Variants in FYN observed in about 807,000 individuals in gnomAD.
FYN encodes tyrosine-protein kinase Fyn.
In FYN, 10 loss-of-function variants were observed where a neutral mutation model predicts 70.2. That is an observed-to-expected ratio of 0.14 (90% CI 0.09 to 0.24). The LOEUF (loss-of-function observed/expected upper bound fraction) is 0.24. Ranked by LOEUF, FYN falls within the 10% of genes least tolerant of loss-of-function variation. FYN has a pLI of 1.00. For synonymous variants in FYN, 236 were observed against 248.6 expected, an observed-to-expected ratio of 0.95 and a Z score of 0.48; for missense variants, 319 against 673.1, an observed-to-expected ratio of 0.47 and a Z score of 5.82.
intron 3 of FYN, among the ~76,000 whole-genome samples, chr6:111,733,427 T>A (rs1801558920): frequency 6.6e-6 from 1 of 152,218 alleles, no homozygotes; most frequent in South Asian, 2.1e-4. Context: ...CGTGCTCTGC[T>A]CCTAGCCATT....
At position 111,855,217 on chromosome 6, in the gene FYN, G is replaced by A. The variant is rs139545805; in HGVS notation, c.-122-8588C>T. Among the ~76,000 whole-genome samples the A allele has an allele frequency of 2.6e-4, 39 of 152,048 alleles. No individual in the cohort carries two copies. The East Asian group carries it at 6.8e-3, about 26-fold the overall frequency. ...ATATTTTTTTTCATTTATCTCATGG[G>A]ATCAAAATAAAGCTTGTGGAAGTTT... On this transcript the variant is annotated intron_variant, in intron 1 of 13. Transcript: ENST00000354650.
intron 3 of FYN, among the ~76,000 whole-genome samples, chr6:111,722,173 C>G (rs1404416158): frequency 1.3e-5 from 2 of 152,128 alleles, no homozygotes; most frequent in African/African-American, 4.8e-5. Context: ...TCAATAAATA[C>G]TTATTGAATT....
In FYN at chr6:111,790,726, T is replaced by C. The variant is rs151096108; in HGVS notation, c.-81-10091A>G. 4.7e-3 allele frequency among the ~76,000 whole-genome samples: 711 copies of C among 152,342 alleles called. 3 individuals carry two copies. The highest frequency in any genetic ancestry group is 0.01 in the Middle Eastern group (3 of 294). On this transcript the variant is annotated intron_variant, in intron 2 of 13. Transcript: ENST00000354650. ...CTCAGTTCTGCTAAGCTTGGTAAAC[T>C]TGGAAAAATTCCTCAATAATGTGAA...
chr6:111,866,651 T>C (rs985622379), intron 1 of FYN, among the ~76,000 whole-genome samples: 8 of 152,248 alleles, frequency 5.3e-5, no homozygotes, highest in Admixed American at 3.3e-4. Flanking sequence ...CCCAACCCCA[T>C]GCTCTTAACC....
Position 111,699,171 on chromosome 6 carries a change from A to G in FYN, c.862+933T>C, listed in dbSNP as rs148608100. On this transcript the variant is annotated intron_variant, in intron 9 of 13. Transcript: ENST00000354650. ...ATATGCCCCTTGTTCGTGGTTAATT[A>G]GCTAGTAAGGATTCAAACCCAGGCC... Among the ~76,000 whole-genome samples, 4 of 152,338 alleles carry G rather than the reference A, an allele frequency of 2.6e-5. No individual in the cohort carries two copies. In the East Asian group the frequency reaches 7.7e-4, roughly 29 times the overall value.
chr6:111,688,698 T>C (rs1342816102), intron 12 of FYN, among the ~76,000 whole-genome samples: 1 of 152,160 alleles, frequency 6.6e-6, no homozygotes, highest in African/African-American at 2.4e-5. Context: ...CATGCCTCAG[T>C]GAAAATGCTG....
Position 111,694,473 on chromosome 6 carries a change from C to T in FYN, c.1175G>A (p.Arg392Gln). The T allele has an allele frequency of 6.2e-7, 1 of 1,614,196 alleles. No individual in the cohort carries two copies. Among genetic ancestry groups the T allele is most frequent in the Non-Finnish European group, 8.5e-7 (1 of 1,180,034 alleles). ...ATTCCCCACTAGAATGTTTGCTGATCGCAGATCTCTATGGATATAATTCAT... is the reference window on the plus strand; with the variant it reads ...ATTCCCCACTAGAATGTTTGCTGATTGCAGATCTCTATGGATATAATTCAT... ...ERMNYIHRDL[R>Q]SANILVGNGL... The change falls in exon 12 of 14, where the codon CGA becomes CAA. Residue 392 changes from arginine (R) to glutamine (Q), a missense_variant. Around this residue, in one of 4 missense-constraint regions of FYN, gnomAD observed 64 missense variants for 223.0 expected, o/e 0.29. Transcript: ENST00000354650. This position sits in a 1 kb window ranked among gnomAD's most constrained non-coding sequence, Gnocchi z 5.0.
In FYN at chr6:111,669,840, G is replaced by A. The variant is rs535810041; in HGVS notation, c.1405+4659C>T. 1.2e-4 allele frequency among the ~76,000 whole-genome samples: 18 copies of A among 152,098 alleles called. No individual in the cohort carries two copies. The East Asian group carries it at 3.1e-3, about 26-fold the overall frequency. On this transcript the variant is annotated intron_variant, in intron 13 of 13. Coordinates refer to ENST00000354650, the MANE Select transcript of FYN (RefSeq NM_002037.5). ...TGCTGGACCTCGGGAATCCATCAAA[G>A]GGACTCCCTTCTCTGAAGCTGCTGA...
At chr6:111,737,728 A>G (rs1282027740) in intron 3 of FYN, among the ~76,000 whole-genome samples, 1 of 152,124 alleles carries the variant, frequency 6.6e-6, no homozygotes, top group Non-Finnish European at 1.5e-5. Flanking sequence ...CTCCCCAAAG[A>G]CTGGGAGATA....
chr6:111,786,451 G>A lies in FYN; in HGVS notation c.-81-5816C>T, dbSNP rs562992418. Among the ~76,000 whole-genome samples, 9 of 152,316 alleles carry A rather than the reference G, an allele frequency of 5.9e-5. No individual in the cohort carries two copies. In the South Asian group the frequency reaches 1.2e-3, roughly 21 times the overall value. ...ATATGTGCCACATTTTCTTCATCCA[G>A]TCTATCATTGATGGACATTTGGGTT... On this transcript the variant is annotated intron_variant, in intron 2 of 13. Transcript: ENST00000354650.
chr6:111,728,929 C>CA (rs1346066048), intron 3 of FYN, among the ~76,000 whole-genome samples: 1 of 151,356 alleles, frequency 6.6e-6, no homozygotes, highest in African/African-American at 2.4e-5. Context: ...ATATTGGCAA[C>CA]AAAAAAAGGA....
At chr6:111,718,325 A>G (rs1800767039) in intron 4 of FYN, among the ~76,000 whole-genome samples, 1 of 152,156 alleles carries the variant, frequency 6.6e-6, no homozygotes, top group African/African-American at 2.4e-5. Flanking sequence ...AAACCAAATA[A>G]CTCAAGGCAG....
At chr6:111,693,194 T>A (rs1799420655) in intron 12 of FYN, among the ~76,000 whole-genome samples, 1 of 151,916 alleles carries the variant, frequency 6.6e-6, no homozygotes, top group Non-Finnish European at 1.5e-5. Context: ...ATAATTGGCA[T>A]GAAATGAAAG....
At chr6:111,805,234 G>C (rs1772110816) in intron 2 of FYN, among the ~76,000 whole-genome samples, 1 of 152,138 alleles carries the variant, frequency 6.6e-6, no homozygotes. Context: ...CTTAGCCTTG[G>C]CATTCCCATC....
At chr6:111,678,108 A>C (rs1830515) in intron 12 of FYN, among the ~76,000 whole-genome samples, 1 of 93,924 alleles carries the variant, frequency 1.1e-5, no homozygotes, top group South Asian at 3.8e-4. Flanking sequence ...AGGCCATAAT[A>C]TGTGTGTGTG....
chr6:111,698,187 G>A (rs1799660188), intron 9 of FYN, among the ~76,000 whole-genome samples: 1 of 151,924 alleles, frequency 6.6e-6, no homozygotes, highest in African/African-American at 2.4e-5. Flanking sequence ...GTGCAATGGT[G>A]CAATGGTGCG....
At chr6:111,782,080 A>C (rs1368254714) in intron 2 of FYN, among the ~76,000 whole-genome samples, 1 of 152,196 alleles carries the variant, frequency 6.6e-6, no homozygotes, top group African/African-American at 2.4e-5. Flanking sequence ...AATTACATGC[A>C]TGGACCCAGC....
chr6:111,662,980 G>C (rs1797826157), intron 13 of FYN, among the ~76,000 whole-genome samples: 1 of 152,242 alleles, frequency 6.6e-6, no homozygotes, highest in Non-Finnish European at 1.5e-5. Context: ...ACTCCTCAGA[G>C]AGTGCGGCCT....
intron 3 of FYN, among the ~76,000 whole-genome samples, chr6:111,769,112 T>A (rs1379242719): frequency 6.6e-6 from 1 of 152,160 alleles, no homozygotes; most frequent in Non-Finnish European, 1.5e-5. Context: ...GAGGTTGACA[T>A]CAAGTCAAAA....
Sources: gnomAD v4.1 joint callset for allele counts (sites outside exome capture counted in the v4.1 genomes callset) on GRCh38, gnomAD v4.1.1 for gene constraint, gnomAD v4.1.1 regional missense constraint, Gnocchi (gnomAD v3.1) non-coding constraint, MANE v1.5 for transcripts, NCBI Gene and HGNC (gene_info 2026-07-23, HGNC 2026-07-21) for gene names.